Variants in PYHIN1 observed in about 807,000 individuals in gnomAD.
PYHIN1 encodes pyrin and HIN domain family member 1.
Under a neutral mutation model 43.7 loss-of-function variants are expected in PYHIN1, and 32 were observed. The ratio of observed to expected loss-of-function variants is 0.73; its 90% confidence interval spans 0.55 to 0.98. PYHIN1 has a LOEUF of 0.98. Among genes scored for constraint, PYHIN1 ranks in the 50% least tolerant of loss-of-function variants. The pLI is 0.00. For synonymous variants in PYHIN1, 205 were observed against 203.1 expected (o/e 1.01, Z -0.08); for missense variants, 588 against 589.5 (o/e 1.00, Z 0.03).
intron 7 of PYHIN1, among the ~76,000 whole-genome samples, chr1:158,970,533 T>C (rs1650875805): frequency 6.6e-6 from 1 of 152,008 alleles, no homozygotes; most frequent in Non-Finnish European, 1.5e-5. Context: ...AACTGTAATA[T>C]CTGATCTTAT....
At chr1:158,932,120 T>C (rs1648200236) in intron 1 of PYHIN1, among the ~76,000 whole-genome samples, 1 of 152,218 alleles carries the variant, frequency 6.6e-6, no homozygotes, top group South Asian at 2.1e-4. Flanking sequence ...AATGATTTCA[T>C]TCTTTTTTAT....
At chr1:158,969,860 T>TA (rs34522865) in intron 7 of PYHIN1, among the ~76,000 whole-genome samples, 146,097 of 151,954 alleles carry the variant, frequency 0.96, 70,512 homozygotes, top group East Asian at 1. Context: ...TAAACTCCCT[T>TA]AATACAATAA....
At chr1:158,955,412 A>T (rs1406365836) in intron 7 of PYHIN1, among the ~76,000 whole-genome samples, 1 of 150,600 alleles carries the variant, frequency 6.6e-6, no homozygotes, top group Admixed American at 6.6e-5. Context: ...CTCTCAGACC[A>T]CAGTGCAATC....
chr1:158,989,883 A>T, the PYHIN1 span, among the ~76,000 whole-genome samples: 1 of 82,364 alleles, frequency 1.2e-5, no homozygotes, highest in African/African-American at 5.8e-5. Context: ...ATTTCCTGTT[A>T]AAAAAAAAAC....
chr1:158,983,844 A>G, the PYHIN1 span, among the ~76,000 whole-genome samples: 28 of 152,182 alleles, frequency 1.8e-4, no homozygotes, highest in African/African-American at 4.8e-4. Flanking sequence ...TAGGTATTCA[A>G]TGTCTTCCTG....
At chr1:158,932,618 ATAT>A (rs1480202319) in intron 1 of PYHIN1, among the ~76,000 whole-genome samples, 4 of 152,234 alleles carry the variant, frequency 2.6e-5, no homozygotes, top group Non-Finnish European at 2.9e-5. Context: ...TTTGTAAATA[ATAT>A]TATTCTACAA....
At chr1:158,962,869 G>A (rs1339265161) in intron 7 of PYHIN1, among the ~76,000 whole-genome samples, 2 of 152,102 alleles carry the variant, frequency 1.3e-5, no homozygotes, top group Non-Finnish European at 2.9e-5. Context: ...GGTCCCAGAG[G>A]CAACTGACAG....
rs1651292369 is a variant in PYHIN1 at position 158,976,839 on chromosome 1, A to AATATATGCAT, written c.*151_*152insCATATATATG. 9 of 321,672 alleles carry AATATATGCAT rather than the reference A, an allele frequency of 2.8e-5. 1 individual carries two copies. Among genetic ancestry groups the AATATATGCAT allele is most frequent in the South Asian group, 2.4e-4 (4 of 16,900 alleles). 19.9% of individuals were successfully genotyped at this position (321,672 alleles called of 1,614,324 possible). ...AAGATAAGATCAAAGCACAGAAAAT[A>AATATATGCAT]ATATATGTATATATATCTGGTTGAA... On this transcript the variant is annotated 3_prime_UTR_variant, in exon 9 of 9. Transcript: ENST00000368140.
At chr1:158,988,344 T>C in the PYHIN1 span, among the ~76,000 whole-genome samples, 1 of 152,112 alleles carries the variant, frequency 6.6e-6, no homozygotes, top group Non-Finnish European at 1.5e-5. Flanking sequence ...GAATGAGGTG[T>C]GTAATATAAA....
intron 6 of PYHIN1, 65 bp downstream of exon 6, chr1:158,944,043 A>G (rs1022515535): frequency 1.3e-4 from 173 of 1,379,414 alleles, no homozygotes; most frequent in Middle Eastern, 1.0e-3. Flanking sequence ...AAGTTTTAGG[A>G]AGCCATACTT....
chr1:158,938,013 C>A (rs1557823268), intron 2 of PYHIN1, among the ~76,000 whole-genome samples: 2 of 152,040 alleles, frequency 1.3e-5, no homozygotes, highest in Non-Finnish European at 2.9e-5. Context: ...TTAACATCTC[C>A]TTTCACTAGT....
downstream of PYHIN1, among the ~76,000 whole-genome samples, chr1:158,979,848 C>A (rs1246288582): frequency 6.6e-6 from 1 of 152,082 alleles, no homozygotes; most frequent in Non-Finnish European, 1.5e-5. Context: ...AAGCACAGTA[C>A]CTGATAGGTA....
chr1:158,984,028 G>GTTTTTTTTTTTT, the PYHIN1 span, among the ~76,000 whole-genome samples: 18 of 111,174 alleles, frequency 1.6e-4, no homozygotes, highest in African/African-American at 4.2e-4. Context: ...ATCTTCTCCT[G>GTTTTTTTTTTTT]TTTTTTTTTT....
At chr1:158,942,572 C>T (rs766276306) in intron 5 of PYHIN1, among the ~76,000 whole-genome samples, 173 bp downstream of exon 5, 1 of 152,176 alleles carries the variant, frequency 6.6e-6, no homozygotes, top group Non-Finnish European at 1.5e-5. Flanking sequence ...ATTAGGAGAA[C>T]TATTAATGTT....
chr1:158,984,034 T>TTTTTTG, the PYHIN1 span, among the ~76,000 whole-genome samples: 1 of 150,020 alleles, frequency 6.7e-6, no homozygotes, highest in African/African-American at 2.4e-5. Context: ...TCCTGTTTTT[T>TTTTTTG]TTTTTTTTTT....
At chr1:158,939,380 A>G (rs746653713) in intron 4 of PYHIN1, 133 bp downstream of exon 4, 58 of 1,593,436 alleles carry the variant, frequency 3.6e-5, no homozygotes, top group Non-Finnish European at 4.9e-5. Flanking sequence ...AATTCACTGC[A>G]TTTTAATCTT....
chr1:158,938,324 T>C (rs1648687499), intron 2 of PYHIN1, 73 bp from the exon 3 acceptor site: 31 of 1,506,172 alleles, frequency 2.1e-5, no homozygotes, highest in Middle Eastern at 1.7e-4. Context: ...TAAGAGCAAA[T>C]AGTATTGAAA....
At chr1:158,960,227 T>A (rs1396814048) in intron 7 of PYHIN1, among the ~76,000 whole-genome samples, 1 of 152,256 alleles carries the variant, frequency 6.6e-6, no homozygotes, top group Non-Finnish European at 1.5e-5. Flanking sequence ...TTGGCACAAG[T>A]GGCTATGAAT....
chr1:158,982,224 A>G, the PYHIN1 span, among the ~76,000 whole-genome samples: 5 of 152,182 alleles, frequency 3.3e-5, 1 homozygote, highest in Non-Finnish European at 7.3e-5. Context: ...GCTAATGTCC[A>G]GAATAGTATT....
Sources: allele counts gnomAD v4.1 joint callset (sites outside exome capture counted in the v4.1 genomes callset), GRCh38; gene constraint gnomAD v4.1.1; transcripts MANE v1.5; gene names NCBI Gene and HGNC (gene_info 2026-07-23, HGNC 2026-07-21).